DPP6: variants seen among roughly 807,000 people sequenced by gnomAD.
DPP6 encodes dipeptidyl peptidase like 6.
Under a neutral mutation model 122.6 loss-of-function variants are expected in DPP6, and 69 were observed. The observed-to-expected ratio is 0.56, with a 90% CI of 0.46 to 0.69. The LOEUF (loss-of-function observed/expected upper bound fraction) is 0.69. DPP6 is among the 30% of genes least tolerant of loss of function. The probability of loss-of-function intolerance (pLI) is 0.00; values close to 1 mark genes in which losing one functional copy is unlikely to be tolerated. For synonymous variants in DPP6, 418 were observed against 433.1 expected (o/e 0.97, Z 0.43); for missense variants, 928 against 1,116.9 (o/e 0.83, Z 2.41).
At chr7:154,370,214 C>T (rs189411413) in intron 1 of DPP6, among the ~76,000 whole-genome samples, 62 of 152,208 alleles carry the variant, frequency 4.1e-4, no homozygotes, top group African/African-American at 1.4e-3. Flanking sequence ...AACCCCTGAC[C>T]TCAGGTGATC....
chr7:154,754,904 C>T (rs1843584322), intron 8 of DPP6, among the ~76,000 whole-genome samples: 1 of 152,094 alleles, frequency 6.6e-6, no homozygotes, highest in Admixed American at 6.5e-5. Flanking sequence ...CATATTCTCA[C>T]TCGTAAGTGG....
intron 1 of DPP6, among the ~76,000 whole-genome samples, chr7:153,915,274 T>C (rs1253212978): frequency 6.6e-6 from 1 of 152,108 alleles, no homozygotes; most frequent in Non-Finnish European, 1.5e-5. Flanking sequence ...TTGTGACCCA[T>C]TTTCTGGCAT....
chr7:154,540,007 A>G (rs1432489811), intron 3 of DPP6, among the ~76,000 whole-genome samples: 1 of 152,184 alleles, frequency 6.6e-6, no homozygotes, highest in Non-Finnish European at 1.5e-5. Flanking sequence ...TTGTTCATCT[A>G]CAAGAGGCCA....
At chr7:153,750,151 G>C in the DPP6 span, among the ~76,000 whole-genome samples, 2 of 152,208 alleles carry the variant, frequency 1.3e-5, no homozygotes, top group East Asian at 3.9e-4. Flanking sequence ...TTCTTGTTCT[G>C]TTTGAGTTAT....
At chr7:154,765,348 T>C (rs971685556) in intron 8 of DPP6, among the ~76,000 whole-genome samples, 3 of 152,126 alleles carry the variant, frequency 2.0e-5, no homozygotes, top group Admixed American at 2.0e-4. Context: ...AGCACACACA[T>C]GCGCACAACA....
chr7:154,775,368 C>A (rs1367122326), intron 10 of DPP6, among the ~76,000 whole-genome samples: 4 of 152,108 alleles, frequency 2.6e-5, no homozygotes, highest in Non-Finnish European at 4.4e-5. Context: ...GCTATACATA[C>A]CCCTTGTATG....
chr7:154,040,333 A>G (rs1246883676), intron 1 of DPP6, among the ~76,000 whole-genome samples: 1 of 148,500 alleles, frequency 6.7e-6, no homozygotes, highest in East Asian at 2.0e-4. Flanking sequence ...TTTAATGCTG[A>G]TTTATTCACC....
At chr7:154,479,039 T>C (rs886139806) in intron 3 of DPP6, among the ~76,000 whole-genome samples, 1 of 152,252 alleles carries the variant, frequency 6.6e-6, no homozygotes, top group African/African-American at 2.4e-5. Context: ...GTTAACAGTC[T>C]GGAACTAATA....
the DPP6 span, among the ~76,000 whole-genome samples, chr7:153,770,181 A>G: frequency 6.6e-6 from 1 of 152,084 alleles, no homozygotes; most frequent in East Asian, 1.9e-4. Context: ...TGGGAAAGAG[A>G]ACAAAAGCTG....
the DPP6 span, among the ~76,000 whole-genome samples, chr7:153,838,294 G>C: frequency 6.6e-6 from 1 of 152,128 alleles, no homozygotes; most frequent in Admixed American, 6.5e-5. Flanking sequence ...AAACCCAGTG[G>C]AAGGGTGGGG....
At chr7:154,806,460 C>T (rs978523463) in intron 15 of DPP6, among the ~76,000 whole-genome samples, 10 of 152,198 alleles carry the variant, frequency 6.6e-5, no homozygotes, top group Non-Finnish European at 1.3e-4. Context: ...GTGGGAAGCG[C>T]GAGCTCTCGA....
intron 1 of DPP6, among the ~76,000 whole-genome samples, chr7:154,103,307 C>A (rs761335573): frequency 1.3e-5 from 2 of 152,188 alleles, no homozygotes; most frequent in Admixed American, 1.3e-4. Context: ...GCATTAGGTT[C>A]TCCTAAAACA....
intron 16 of DPP6, among the ~76,000 whole-genome samples, chr7:154,832,380 G>A (rs1001456792): frequency 6.6e-6 from 1 of 152,186 alleles, no homozygotes; most frequent in Non-Finnish European, 1.5e-5. Context: ...TGCATGAAGA[G>A]GCATCGTGCT....
intron 15 of DPP6, 125 bp downstream of exon 15, chr7:154,805,089 T>G: frequency 7.6e-7 from 1 of 1,318,954 alleles, no homozygotes; most frequent in South Asian, 1.4e-5. Flanking sequence ...CACAGAGGAG[T>G]AGCTGTAGAG....
intron 1 of DPP6, among the ~76,000 whole-genome samples, chr7:154,089,708 T>C (rs1459246095): frequency 7.1e-6 from 1 of 140,682 alleles, no homozygotes; most frequent in Non-Finnish European, 1.6e-5. Context: ...TCTACCCCAC[T>C]CATGAAATCG....
Position 154,429,606 on chromosome 7 carries a change from C to A in DPP6, c.244-16608C>A, listed in dbSNP as rs1225465609. Among the ~76,000 whole-genome samples the A allele has an allele frequency of 2.0e-5, 3 of 152,168 alleles. No individual in the cohort carries two copies. The East Asian group carries it at 5.8e-4, about 29-fold the overall frequency. ...TCTGGGCAGGCTTACAGCTGTGTGA[C>A]AACACAAACGCTGTTTATTTGAGTG... is the stretch of plus-strand genomic sequence containing the variant. On this transcript the variant is annotated intron_variant, in intron 1 of 25. Transcript: ENST00000377770.
At chr7:154,290,448 G>A (rs969946587) in intron 1 of DPP6, among the ~76,000 whole-genome samples, 2 of 150,130 alleles carry the variant, frequency 1.3e-5, no homozygotes, top group African/African-American at 4.9e-5. Flanking sequence ...TGGGCTCCTT[G>A]GCAATCTGAG....
intron 7 of DPP6, among the ~76,000 whole-genome samples, chr7:154,681,259 G>T (rs574154067): frequency 5.3e-4 from 80 of 152,252 alleles, no homozygotes; most frequent in African/African-American, 1.8e-3. Flanking sequence ...ATTCAATTGC[G>T]ACTGAAACAG....
chr7:153,949,212 T>C (rs1802091721), intron 1 of DPP6, among the ~76,000 whole-genome samples: 1 of 152,194 alleles, frequency 6.6e-6, no homozygotes, highest in Admixed American at 6.5e-5. Flanking sequence ...TGCAGCTAAG[T>C]GCAGCCACAG....
Sources: allele counts gnomAD v4.1 joint callset (sites outside exome capture counted in the v4.1 genomes callset), GRCh38; gene constraint gnomAD v4.1.1; transcripts MANE v1.5; gene names NCBI Gene and HGNC (gene_info 2026-07-23, HGNC 2026-07-21).